GTSE1: variants seen among roughly 807,000 people sequenced by gnomAD.
GTSE1 encodes the protein G2 and S-phase expressed 1.
Under a neutral mutation model 60.5 loss-of-function variants are expected in GTSE1, and 52 were observed. The ratio of observed to expected loss-of-function variants is 0.86; its 90% confidence interval spans 0.69 to 1.08. The LOEUF is 1.08. Ranked by LOEUF, GTSE1 falls within the 50% of genes least tolerant of loss-of-function variation. The probability of loss-of-function intolerance (pLI) is 0.00; values close to 1 mark genes in which losing one functional copy is unlikely to be tolerated. For synonymous variants in GTSE1, 368 were observed against 386.5 expected, an observed-to-expected ratio of 0.95 and a Z score of 0.56; for missense variants, 937 against 961.8, an observed-to-expected ratio of 0.97 and a Z score of 0.34.
rs1038369050 is a variant in GTSE1, at chr22:46,304,714, C to T, written c.80-3436C>T. Reference sequence around the variant, plus strand: ...TGATGTTAGGCCAGGTGTGGTAGCTCATACCTGTAATCCCAGCACTTTGGG... The same window carrying T: ...TGATGTTAGGCCAGGTGTGGTAGCTTATACCTGTAATCCCAGCACTTTGGG... On this transcript the variant is annotated intron_variant, in intron 2 of 11. Transcript: ENST00000454366. This position sits in a 1 kb window ranked among gnomAD's most constrained non-coding sequence, Gnocchi z 4.4. 2.0e-5 allele frequency among the ~76,000 whole-genome samples: 3 copies of T among 152,176 alleles called. No individual in the cohort carries two copies. The highest frequency in any genetic ancestry group is 7.2e-5 in the African/African-American group (3 of 41,428).
chr22:46,301,958 G>T (rs1381463731), intron 2 of GTSE1, among the ~76,000 whole-genome samples: 2 of 151,970 alleles, frequency 1.3e-5, no homozygotes, highest in Non-Finnish European at 2.9e-5. Context: ...CAGAAACCCC[G>T]TCTCTACTAA....
At position 46,304,506 on chromosome 22, in the gene GTSE1, T is replaced by C. The variant is rs2077706033; in HGVS notation, c.80-3644T>C. On this transcript the variant is annotated intron_variant, in intron 2 of 11. Transcript: ENST00000454366. This position sits in a 1 kb window ranked among gnomAD's most constrained non-coding sequence, Gnocchi z 4.4. ...TATGTTGTATTTTATCATATGCCCG[T>C]TCAACATATGTGCAGACGATCATGG... Among the ~76,000 whole-genome samples the C allele has an allele frequency of 6.6e-6, 1 of 152,194 alleles. No individual in the cohort carries two copies. The highest frequency in any genetic ancestry group is 1.5e-5 in the Non-Finnish European group (1 of 68,040).
chr22:46,308,772 C>G lies in GTSE1; in HGVS notation c.591C>G (p.Ala197=). ...SPALPSSGAQ[A]RLTRAPGPPH... is the part of the protein sequence containing the mutation. ...CCCTGCCCAGCTCTGGTGCCCAGGCCCGCCTCACCCGGGCGCCGGGGCCTC... is the reference window on the plus strand; with the variant it reads ...CCCTGCCCAGCTCTGGTGCCCAGGCGCGCCTCACCCGGGCGCCGGGGCCTC... The change falls in exon 4 of 12, where the codon GCC becomes GCG. Residue 197 remains alanine (A), a synonymous_variant. Transcript: ENST00000454366. 6.2e-7 allele frequency: 1 copy of G among 1,613,046 alleles called. No homozygotes were observed. Among genetic ancestry groups the G allele is most frequent in the Non-Finnish European group, 8.5e-7 (1 of 1,179,970 alleles).
At position 46,314,189 on chromosome 22, in the gene GTSE1, C is replaced by T. The variant is rs979105080; in HGVS notation, c.1051+176C>T. Among the ~76,000 whole-genome samples the T allele has an allele frequency of 6.6e-6, 1 of 152,194 alleles. No individual in the cohort carries two copies. Among genetic ancestry groups the T allele is most frequent in the African/African-American group, 2.4e-5 (1 of 41,442 alleles). On this transcript the variant is annotated intron_variant, in intron 6 of 11. Transcript: ENST00000454366. The surrounding 1 kb of genome is among the most constrained non-coding windows in gnomAD (Gnocchi z 7.1). The stretch of plus-strand genomic sequence containing the variant: ...TGAGTTGCTGTACCTGCCCTCAGTG[C>T]CTCTGTCCCATGAGGAGGGCACACT...
In GTSE1 at chr22:46,308,834, C is replaced by T; in HGVS notation, c.653C>T (p.Thr218Ile). 2 of 1,613,300 alleles carry T rather than the reference C, an allele frequency of 1.2e-6. No homozygotes were observed. The highest frequency in any genetic ancestry group is 1.7e-6 in the Non-Finnish European group (2 of 1,180,040). ...SAHALPRESC[T>I]AHAASQAATQ... ...CATGCTTTGCCCAGGGAATCATGCA[C>T]TGCTCATGCTGCAAGTCAGGCAGCG... Residue 218 changes from threonine to isoleucine, a missense_variant, in exon 4 of 12, where the codon ACT becomes ATT. Coordinates refer to ENST00000454366, the MANE Select transcript of GTSE1 (RefSeq NM_016426.7).
intron 2 of GTSE1, among the ~76,000 whole-genome samples, chr22:46,303,732 T>G (rs1239720006): frequency 6.6e-6 from 1 of 152,230 alleles, no homozygotes; most frequent in Non-Finnish European, 1.5e-5. Context: ...TCTGGGCATG[T>G]AATAGAATTG....
At position 46,308,429 on chromosome 22, in the gene GTSE1, C is replaced by T. The variant is rs1569038678; in HGVS notation, c.248C>T (p.Thr83Ile). 19 of 1,614,206 alleles carry T rather than the reference C, an allele frequency of 1.2e-5. No individual in the cohort carries two copies. The highest frequency in any genetic ancestry group is 2.2e-5 in the East Asian group (1 of 44,882). ...NPVPEQPPLP[T>I]SESPFAWSPL... ...GTTCCCGAACAGCCTCCGTTGCCCA[C>T]ATCTGAGAGTCCCTTTGCCTGGAGC... is the stretch of plus-strand genomic sequence containing the variant. Residue 83 changes from threonine to isoleucine, a missense_variant, in exon 4 of 12, where the codon ACA (threonine) becomes ATA (isoleucine). Physicochemically the swap from Thr to Ile is moderately conservative, Grantham distance 89 (BLOSUM62 -1). Transcript: ENST00000454366.
rs2077782353 is a variant in GTSE1, at chr22:46,316,594, A to G, written c.1432+182A>G. On this transcript the variant is annotated intron_variant, in intron 7 of 11. Transcript: ENST00000454366. This position sits in a 1 kb window ranked among gnomAD's most constrained non-coding sequence, Gnocchi z 5.0. ...TGGGGGGTCACTGGAGGCTCCCTGA[A>G]TGTCTTACGTTCGTTCCTGTGTGTG... Among the ~76,000 whole-genome samples, 1 of 152,130 alleles carries G rather than the reference A, an allele frequency of 6.6e-6. No individual in the cohort carries two copies. The highest frequency in any genetic ancestry group is 2.1e-4 in the South Asian group (1 of 4,824).
At chr22:46,307,576 T>C (rs2077722232) in intron 2 of GTSE1, among the ~76,000 whole-genome samples, 1 of 152,054 alleles carries the variant, frequency 6.6e-6, no homozygotes, top group Non-Finnish European at 1.5e-5. Flanking sequence ...CCATCTTGGC[T>C]CACTGCAACT....
chr22:46,316,284 G>C lies in GTSE1; in HGVS notation c.1304G>C (p.Cys435Ser). The C allele has an allele frequency of 6.2e-7, 1 of 1,614,000 alleles. No homozygotes were observed. The highest frequency in any genetic ancestry group is 8.5e-7 in the Non-Finnish European group (1 of 1,180,028). Residue 435 changes from cysteine to serine, a missense_variant, in exon 7 of 12, where the codon TGC (cysteine) becomes TCC (serine). Coordinates refer to ENST00000454366, the MANE Select transcript of GTSE1 (RefSeq NM_016426.7). The surrounding 1 kb of genome is among the most constrained non-coding windows in gnomAD (Gnocchi z 5.0). ...GGCGGCCAGTGGCTGAACTCCAGTT[G>C]CGCTTGGTCAGAATCTTCTCAATTG... ...EGGGQWLNSS[C>S]AWSESSQLNK...
At chr22:46,311,678 T>G (rs890093860) in intron 4 of GTSE1, among the ~76,000 whole-genome samples, 1 of 152,244 alleles carries the variant, frequency 6.6e-6, no homozygotes, top group Non-Finnish European at 1.5e-5. Flanking sequence ...AGAACTTATT[T>G]TTTGACTCTG....
Position 46,309,086 on chromosome 22 carries a change from C to A in GTSE1, c.762+143C>A. Reference sequence around the variant, plus strand: ...ACAGGAATGCGGAGTCCAGGAAAAGCAGTTGCCAATAGGGAGCTGATGTGG... The same window carrying A: ...ACAGGAATGCGGAGTCCAGGAAAAGAAGTTGCCAATAGGGAGCTGATGTGG... On this transcript the variant is annotated intron_variant, in intron 4 of 11. Transcript: ENST00000454366. The surrounding 1 kb of genome is among the most constrained non-coding windows in gnomAD (Gnocchi z 6.2). 1 of 939,796 alleles carries A rather than the reference C, an allele frequency of 1.1e-6. No homozygotes were observed. The highest frequency in any genetic ancestry group is 1.5e-6 in the Non-Finnish European group (1 of 646,170). The allele number at this position is 939,796 out of a possible 1,614,324, so 58.2% of individuals were successfully genotyped here.
In GTSE1 at chr22:46,312,214, T is replaced by C; in HGVS notation, c.836T>C (p.Leu279Pro). Residue 279 changes from leucine to proline, a missense_variant, in exon 5 of 12, where the codon CTC becomes CCC. Physicochemically the swap from Leu to Pro is moderately conservative, Grantham distance 98. Transcript: ENST00000454366. ...PAEKESHRDV[L>P]PDKPAPGAVN... Reference sequence around the variant, plus strand: ...GAGAAGGAATCCCACCGGGATGTTCTCCCTGACAAACCTGCCCCGGGTGCT... The same window carrying C: ...GAGAAGGAATCCCACCGGGATGTTCCCCCTGACAAACCTGCCCCGGGTGCT... 6.2e-7 allele frequency: 1 copy of C among 1,614,178 alleles called. No homozygotes were observed. Among genetic ancestry groups the C allele is most frequent in the Non-Finnish European group, 8.5e-7 (1 of 1,180,010 alleles).
Position 46,323,239 on chromosome 22 carries a change from G to C in GTSE1, c.1482G>C (p.Pro494=), listed in dbSNP as rs762711989. Residue 494 remains proline, a synonymous_variant, in exon 8 of 12, where the codon CCG becomes CCC. Transcript: ENST00000454366. ...CAAAGCTTTCGCGGGCACAGCGGCC[G>C]CAGTCGTGCACGTCAGTTGGCAGGT... ...STPKLSRAQR[P]QSCTSVGRVT... is the part of the protein sequence containing the mutation. 1.2e-6 allele frequency: 2 copies of C among 1,613,632 alleles called. No individual in the cohort carries two copies. The highest frequency in any genetic ancestry group is 8.5e-7 in the Non-Finnish European group (1 of 1,179,530).
intron 2 of GTSE1, among the ~76,000 whole-genome samples, chr22:46,303,878 A>T (rs950070586): frequency 6.6e-6 from 1 of 152,132 alleles, no homozygotes; most frequent in Non-Finnish European, 1.5e-5. Flanking sequence ...CCTTCCTGCC[A>T]TGGAGACGAG....
Position 46,313,941 on chromosome 22 carries a change from G to T in GTSE1, c.979G>T (p.Ala327Ser), listed in dbSNP as rs2077763677. 4 of 1,614,148 alleles carry T rather than the reference G, an allele frequency of 2.5e-6. No individual in the cohort carries two copies. Among genetic ancestry groups the T allele is most frequent in the Non-Finnish European group, 3.4e-6 (4 of 1,179,988 alleles). The change falls in exon 6 of 12, where the codon GCA becomes TCA. Residue 327 changes from alanine (A) to serine (S), a missense_variant. Ala to Ser is a moderately conservative substitution (Grantham distance 99, BLOSUM62 1). Transcript: ENST00000454366. The surrounding 1 kb of genome is among the most constrained non-coding windows in gnomAD (Gnocchi z 4.4). ...LKAPGSTSNL[A>S]RKSSSGPVWS... ...AGCACCCGGCTCTACCAGCAATCTC[G>T]CAAGGAAGTCCTCCTCGGGGCCTGT... is the stretch of plus-strand genomic sequence containing the variant.
In GTSE1 at chr22:46,312,163, G is replaced by T; in HGVS notation, c.785G>T (p.Ser262Ile). The T allele has an allele frequency of 6.2e-7, 1 of 1,613,800 alleles. No homozygotes were observed. Among genetic ancestry groups the T allele is most frequent in the Non-Finnish European group, 8.5e-7 (1 of 1,179,828 alleles). ...CAGCCCAAGAAAGAGATTCCAGCTAGTCCTTCCAGGACAAAAATCCCAGCT... is the reference window on the plus strand; with the variant it reads ...CAGCCCAAGAAAGAGATTCCAGCTATTCCTTCCAGGACAAAAATCCCAGCT... Reference protein sequence around the residue: ...AEKPKKEIPASPSRTKIPAEK... With the variant: ...AEKPKKEIPAIPSRTKIPAEK... The change falls in exon 5 of 12, where the codon AGT becomes ATT. Residue 262 changes from serine to isoleucine, a missense_variant. Ser to Ile is a moderately radical substitution (Grantham distance 142, BLOSUM62 -2). Transcript: ENST00000454366.
chr22:46,329,585 G>A lies in GTSE1; in HGVS notation c.2136+18G>A. 6.2e-7 allele frequency: 1 copy of A among 1,600,740 alleles called. No homozygotes were observed. Among genetic ancestry groups the A allele is most frequent in the Admixed American group, 1.7e-5 (1 of 60,002 alleles). On this transcript the variant is annotated intron_variant, in intron 11 of 11. Transcript: ENST00000454366. This position sits in a 1 kb window ranked among gnomAD's most constrained non-coding sequence, Gnocchi z 6.4. ...TGGGACAGGTGAGAAGTGGCAGGTGGTTCATGTTGACTCAGCCCTGGGTGT... is the reference window on the plus strand; with the variant it reads ...TGGGACAGGTGAGAAGTGGCAGGTGATTCATGTTGACTCAGCCCTGGGTGT...
chr22:46,321,169 G>A lies in GTSE1; in HGVS notation c.1433-2021G>A, dbSNP rs186859175. Among the ~76,000 whole-genome samples, 3 of 152,260 alleles carry A rather than the reference G, an allele frequency of 2.0e-5. No individual in the cohort carries two copies. The highest frequency in any genetic ancestry group is 4.4e-5 in the Non-Finnish European group (3 of 68,020). On this transcript the variant is annotated intron_variant, in intron 7 of 11. Transcript: ENST00000454366. This position sits in a 1 kb window ranked among gnomAD's most constrained non-coding sequence, Gnocchi z 4.0. ...TCCCAAAAGACAGGGATTATGGGAT[G>A]ACTTAGTCACAGACCACCCCACTCC...
Sources: allele counts gnomAD v4.1 joint callset (sites outside exome capture counted in the v4.1 genomes callset), GRCh38; gene constraint gnomAD v4.1.1; non-coding constraint Gnocchi (gnomAD v3.1); transcripts MANE v1.5; gene names NCBI Gene and HGNC (gene_info 2026-07-23, HGNC 2026-07-21).